LHFPL2: variants seen among roughly 807,000 people sequenced by gnomAD.
LHFPL2 encodes LHFPL tetraspan subfamily member 2 protein.
In LHFPL2, 7 loss-of-function variants were observed where a neutral mutation model predicts 17.5. That is an observed-to-expected ratio of 0.40 (90% CI 0.23 to 0.75). The LOEUF is 0.75. LHFPL2 is among the 30% of genes least tolerant of loss of function. The probability of loss-of-function intolerance (pLI) is 0.37; values close to 1 mark genes in which losing one functional copy is unlikely to be tolerated. For synonymous variants in LHFPL2, 134 were observed against 116.2 expected (o/e 1.15, Z -0.99); for missense variants, 241 against 294.8 (o/e 0.82, Z 1.34).
intron 3 of LHFPL2, among the ~76,000 whole-genome samples, chr5:78,544,143 C>T (rs1004373043): frequency 6.6e-6 from 1 of 152,204 alleles, no homozygotes; most frequent in Admixed American, 6.5e-5. Context: ...CAGCTTCCCA[C>T]GTGGCTGTCT....
intron 2 of LHFPL2, among the ~76,000 whole-genome samples, chr5:78,588,372 A>C (rs1372910951): frequency 6.6e-6 from 1 of 152,200 alleles, no homozygotes; most frequent in Non-Finnish European, 1.5e-5. Context: ...CATTTCTTTA[A>C]AAAAATTTCT....
chr5:78,643,906 C>G (rs1230880366), intron 1 of LHFPL2, among the ~76,000 whole-genome samples: 1 of 151,990 alleles, frequency 6.6e-6, no homozygotes, highest in Non-Finnish European at 1.5e-5. Context: ...ACTAAAAATA[C>G]AAAAAATTAG....
intron 3 of LHFPL2, among the ~76,000 whole-genome samples, chr5:78,527,366 T>G (rs943572792): frequency 2.4e-4 from 35 of 145,096 alleles, no homozygotes; most frequent in Admixed American, 2.1e-3. Flanking sequence ...ATGAGGAGTT[T>G]TTTTTTTTTT....
Position 78,548,556 on chromosome 5 carries a change from C to T in LHFPL2, c.-186+16257G>A, listed in dbSNP as rs368400173. Among the ~76,000 whole-genome samples the T allele has an allele frequency of 3.9e-5, 6 of 152,338 alleles. 1 individual carries two copies. The East Asian group carries it at 7.7e-4, about 20-fold the overall frequency. The stretch of plus-strand genomic sequence containing the variant: ...CTGGTCAGCAAACAGAGCAGAAGGG[C>T]CGTATCTACAGCCATGTCTGTGTAA... On this transcript the variant is annotated intron_variant, in intron 3 of 4. Transcript: ENST00000380345.
At chr5:78,622,931 G>C (rs1263762656) in intron 2 of LHFPL2, among the ~76,000 whole-genome samples, 1 of 152,170 alleles carries the variant, frequency 6.6e-6, no homozygotes, top group East Asian at 1.9e-4. Context: ...TGTAAAGAAG[G>C]GGGATGAAAC....
intron 2 of LHFPL2, among the ~76,000 whole-genome samples, chr5:78,580,074 T>G (rs888983419): frequency 1.2e-4 from 19 of 152,224 alleles, no homozygotes; most frequent in African/African-American, 4.6e-4. Flanking sequence ...CATTGTGGTT[T>G]TGATTTGCAT....
chr5:78,581,884 C>A (rs1361971923), intron 2 of LHFPL2, among the ~76,000 whole-genome samples: 1 of 152,188 alleles, frequency 6.6e-6, no homozygotes, highest in Admixed American at 6.5e-5. Context: ...CCTCCTTGTA[C>A]CTCTGGTAGA....
At chr5:78,590,395 A>AT (rs1481910371) in intron 2 of LHFPL2, among the ~76,000 whole-genome samples, 1 of 152,166 alleles carries the variant, frequency 6.6e-6, no homozygotes, top group African/African-American at 2.4e-5. Flanking sequence ...TTGCCTCTTC[A>AT]TTTTTTCTAA....
chr5:78,527,381 T>TTTTTTTTTTTTA, intron 3 of LHFPL2, among the ~76,000 whole-genome samples: 1 of 150,158 alleles, frequency 6.7e-6, no homozygotes, highest in Non-Finnish European at 1.5e-5. Flanking sequence ...TTTTTTTTTT[T>TTTTTTTTTTTTA]TTTTTCCAAA....
At chr5:78,624,008 T>G (rs1260643216) in intron 2 of LHFPL2, among the ~76,000 whole-genome samples, 1 of 152,224 alleles carries the variant, frequency 6.6e-6, no homozygotes, top group Non-Finnish European at 1.5e-5. Flanking sequence ...AAGTAACGAT[T>G]AATGCCACTG....
At chr5:78,597,962 T>C (rs1743884177) in intron 2 of LHFPL2, among the ~76,000 whole-genome samples, 1 of 152,240 alleles carries the variant, frequency 6.6e-6, no homozygotes, top group African/African-American at 2.4e-5. Flanking sequence ...AATGTTTTTG[T>C]TGCTCACCAA....
chr5:78,593,356 T>A (rs1001202006), intron 2 of LHFPL2, among the ~76,000 whole-genome samples: 2 of 152,054 alleles, frequency 1.3e-5, no homozygotes, highest in African/African-American at 4.8e-5. Flanking sequence ...GGTCCTGAGA[T>A]CCCTGGTGAC....
At chr5:78,560,252 A>G (rs1210905599) in intron 3 of LHFPL2, among the ~76,000 whole-genome samples, 6 of 152,250 alleles carry the variant, frequency 3.9e-5, no homozygotes, top group Admixed American at 6.5e-5. Flanking sequence ...TAGGGCATCA[A>G]TGTGAAACAA....
At chr5:78,559,536 G>A (rs920258349) in intron 3 of LHFPL2, among the ~76,000 whole-genome samples, 6 of 152,168 alleles carry the variant, frequency 3.9e-5, no homozygotes, top group African/African-American at 7.2e-5. Flanking sequence ...TTGTCAACAT[G>A]CAAGTAACAA....
At chr5:78,600,357 A>T (rs1041286469) in intron 2 of LHFPL2, among the ~76,000 whole-genome samples, 1 of 142,732 alleles carries the variant, frequency 7.0e-6, no homozygotes, top group East Asian at 2.0e-4. Context: ...ACAGGTGATT[A>T]AAAAAAAAAT....
At chr5:78,523,744 G>C (rs916220583) in intron 3 of LHFPL2, among the ~76,000 whole-genome samples, 3 of 152,140 alleles carry the variant, frequency 2.0e-5, no homozygotes, top group African/African-American at 7.2e-5. Flanking sequence ...GCCGTGGCCC[G>C]AGATACACTT....
chr5:78,528,374 G>C (rs1268204179), intron 3 of LHFPL2, among the ~76,000 whole-genome samples: 1 of 152,204 alleles, frequency 6.6e-6, no homozygotes, highest in Non-Finnish European at 1.5e-5. Context: ...AGTGGCATTA[G>C]ATTCTCATAG....
chr5:78,496,064 C>T (rs191079035), intron 4 of LHFPL2, among the ~76,000 whole-genome samples: 2 of 152,294 alleles, frequency 1.3e-5, no homozygotes, highest in Admixed American at 6.5e-5. Flanking sequence ...GGGTTATTCT[C>T]GTTGTGTTCC....
rs192305474 is a variant in LHFPL2, at chr5:78,610,536, G to A, written c.-245+21728C>T. Among the ~76,000 whole-genome samples the A allele has an allele frequency of 2.6e-5, 4 of 152,252 alleles. No individual in the cohort carries two copies. In the East Asian group the frequency reaches 7.7e-4, roughly 29 times the overall value. Reference sequence around the variant, plus strand: ...GTGGTGTGCATGGGAGGATGGCCTGGTGAGCAGGAGAGGCCAGAAGGCCCT... The same window carrying A: ...GTGGTGTGCATGGGAGGATGGCCTGATGAGCAGGAGAGGCCAGAAGGCCCT... On this transcript the variant is annotated intron_variant, in intron 2 of 4. Coordinates refer to ENST00000380345, the MANE Select transcript of LHFPL2 (RefSeq NM_005779.3).
Sources: allele counts gnomAD v4.1 joint callset (sites outside exome capture counted in the v4.1 genomes callset), GRCh38; gene constraint gnomAD v4.1.1; transcripts MANE v1.5; gene names NCBI Gene and HGNC (gene_info 2026-07-23, HGNC 2026-07-21).